Variants in KIFC3 observed in about 807,000 individuals in gnomAD.
KIFC3 encodes kinesin family member C3.
Under a neutral mutation model 101.8 loss-of-function variants are expected in KIFC3, and 60 were observed. The observed-to-expected ratio is 0.59, with a 90% CI of 0.48 to 0.73. KIFC3 has a LOEUF of 0.73. Among genes scored for constraint, KIFC3 ranks in the 30% least tolerant of loss-of-function variants. The pLI, the probability that KIFC3 is intolerant of heterozygous loss-of-function variation, is 0.00. For missense variants in KIFC3, 966 were observed against 1,137.1 expected (o/e 0.85, Z 2.16); for synonymous variants, 476 against 482.7 (o/e 0.99, Z 0.18).
intron 3 of KIFC3, 32 bp from the exon 4 acceptor site, chr16:57,772,320 C>G (rs1555609340): frequency 1.3e-6 from 2 of 1,592,306 alleles, no homozygotes; most frequent in South Asian, 2.2e-5. Flanking sequence ...CAAGGTGAGC[C>G]TCAGTCCTCA....
At chr16:57,781,439 A>G (rs2052724805) in intron 3 of KIFC3, among the ~76,000 whole-genome samples, 1 of 152,270 alleles carries the variant, frequency 6.6e-6, no homozygotes, top group African/African-American at 2.4e-5. Flanking sequence ...CCAGCAGGAC[A>G]TGGCCTGGGA....
Position 57,761,233 on chromosome 16 carries a change from GC to G in KIFC3, c.1873-63del, listed in dbSNP as rs1230801464. On this transcript the variant is annotated intron_variant, in intron 14 of 19. Transcript: ENST00000445690. ...AGAATGGGGTCCTCAGAGTCACCTGGCCCCAAGCACCCATGAGGAGTGGCAC... is the reference window on the plus strand; with the variant it reads ...AGAATGGGGTCCTCAGAGTCACCTGGCCCAAGCACCCATGAGGAGTGGCAC... 13 of 1,601,328 alleles carry G rather than the reference GC, an allele frequency of 8.1e-6. No homozygotes were observed. In the East Asian group the frequency reaches 2.9e-4, roughly 36 times the overall value.
chr16:57,798,755 T>G (rs782530663), intron 1 of KIFC3: 1 of 181,062 alleles, frequency 5.5e-6, no homozygotes, highest in Non-Finnish European at 1.2e-5. Context: ...ATGCTCTGAA[T>G]ATTAACATTT....
intron 3 of KIFC3, chr16:57,781,904 GA>G (rs375657204): frequency 2.0e-6 from 2 of 983,946 alleles, no homozygotes; most frequent in South Asian, 4.7e-5. Flanking sequence ...GACCCTTGCA[GA>G]ACCCTCACCC....
intron 3 of KIFC3, among the ~76,000 whole-genome samples, chr16:57,793,414 G>A (rs189833811): frequency 5.2e-4 from 79 of 152,116 alleles, no homozygotes; most frequent in African/African-American, 1.8e-3. Context: ...CCAACATGAT[G>A]AAACCCTGTC....
At chr16:57,816,097 C>T in intron 1 of KIFC3, 1 of 862,250 alleles carries the variant, frequency 1.2e-6, no homozygotes, top group Non-Finnish European at 1.6e-6. Flanking sequence ...AGGATGTGGT[C>T]AAATCCTCTT....
At chr16:57,813,912 A>C in intron 1 of KIFC3, 1 of 921,090 alleles carries the variant, frequency 1.1e-6, no homozygotes, top group Non-Finnish European at 1.3e-6. Context: ...CTACCCTGGC[A>C]CCGGGTAGGG....
Position 57,769,522 on chromosome 16 carries a change from C to A in KIFC3, c.1218+73G>T. ...GCTTTGTCTGAGCTTTGGAGGGACG[C>A]CCTGAGTGGATGTCGTGCCTCTCCC... On this transcript the variant is annotated intron_variant, in intron 9 of 19. Coordinates refer to ENST00000445690, the MANE Select transcript of KIFC3 (RefSeq NM_001130100.2). This position sits in a 1 kb window ranked among gnomAD's most constrained non-coding sequence, Gnocchi z 4.3. 9 of 1,536,744 alleles carry A rather than the reference C, an allele frequency of 5.9e-6. No homozygotes were observed. Among genetic ancestry groups the A allele is most frequent in the Middle Eastern group, 4.8e-4 (2 of 4,154 alleles).
chr16:57,827,191 C>T (rs1010173527), intron 1 of KIFC3, among the ~76,000 whole-genome samples: 3 of 152,248 alleles, frequency 2.0e-5, no homozygotes, highest in Non-Finnish European at 4.4e-5. Context: ...GAAGCAGAGC[C>T]GTGAACAGCC....
chr16:57,860,083 AAAATAAAAT>A (rs1567349185), intron 1 of KIFC3, among the ~76,000 whole-genome samples: 24 of 139,356 alleles, frequency 1.7e-4, no homozygotes, highest in African/African-American at 5.3e-4. Context: ...AAAATAAAAT[AAAATAAAAT>A]AAAAACAAGT....
At chr16:57,807,891 CTG>C (rs60028901), upstream of KIFC3, 45 of 132,214 alleles carry the variant, frequency 3.4e-4, no homozygotes, top group African/African-American at 1.3e-3. Flanking sequence ...GATCGTGTCA[CTG>C]TACTCCAGCC....
chr16:57,850,951 TTCCTTC>T (rs2056040554), intron 1 of KIFC3, among the ~76,000 whole-genome samples: 1 of 8,368 alleles, frequency 1.2e-4, no homozygotes, highest in Admixed American at 2.0e-3. Flanking sequence ...CCCTCCCTCC[TTCCTTC>T]CTTCCTTCCT....
intron 1 of KIFC3, among the ~76,000 whole-genome samples, chr16:57,825,629 G>A (rs1393564889): frequency 3.3e-5 from 5 of 152,098 alleles, no homozygotes; most frequent in African/African-American, 1.2e-4. Flanking sequence ...TAGGTTCTTT[G>A]GAAAACAATT....
At chr16:57,846,533 C>G (rs1432801975) in intron 1 of KIFC3, 1 of 152,278 alleles carries the variant, frequency 6.6e-6, no homozygotes, top group East Asian at 1.9e-4. Context: ...CTGGAAGGCG[C>G]TGTTCAGCCC....
chr16:57,764,299 G>GACC, intron 11 of KIFC3, 52 bp from the exon 12 acceptor site: 1 of 1,151,846 alleles, frequency 8.7e-7, no homozygotes, highest in Non-Finnish European at 1.3e-6. Context: ...GGGCCGCTGG[G>GACC]ACCACCAGCT....
chr16:57,772,423 G>A (rs1024611879), intron 3 of KIFC3, 135 bp from the exon 4 acceptor site: 1 of 671,382 alleles, frequency 1.5e-6, no homozygotes, highest in East Asian at 2.8e-5. Context: ...GTTCCCCTAT[G>A]TTCAAGCATC....
At chr16:57,773,291 C>A (rs1231408943) in intron 3 of KIFC3, among the ~76,000 whole-genome samples, 1 of 152,190 alleles carries the variant, frequency 6.6e-6, no homozygotes, top group African/African-American at 2.4e-5. Context: ...ACAACGTCCA[C>A]TGATTACAGG....
chr16:57,845,906 C>T (rs1337859725), intron 1 of KIFC3, among the ~76,000 whole-genome samples: 1 of 152,176 alleles, frequency 6.6e-6, no homozygotes, highest in Admixed American at 6.6e-5. Context: ...GTCTCCTGGG[C>T]ACTGGTAGAG....
intron 11 of KIFC3, among the ~76,000 whole-genome samples, chr16:57,764,937 C>T (rs1555601387): frequency 6.9e-6 from 1 of 145,822 alleles, no homozygotes; most frequent in Admixed American, 6.8e-5. Context: ...TGGGAGGAGC[C>T]ACAGCATGAG....
Sources: allele counts gnomAD v4.1 joint callset (sites outside exome capture counted in the v4.1 genomes callset), GRCh38; gene constraint gnomAD v4.1.1; non-coding constraint Gnocchi (gnomAD v3.1); transcripts MANE v1.5; gene names NCBI Gene and HGNC (gene_info 2026-07-23, HGNC 2026-07-21).